The following SLC29A4 variants were observed in gnomAD, a reference collection of about 807,000 sequenced individuals.
SLC29A4 encodes equilibrative nucleoside transporter 4.
A neutral mutation model predicts 43.9 loss-of-function variants in SLC29A4; 36 were observed. The ratio of observed to expected loss-of-function variants is 0.82; its 90% CI spans 0.63 to 1.08. The LOEUF is 1.08. SLC29A4 is among the 50% of genes least tolerant of loss of function. The pLI is 0.00. For missense variants in SLC29A4, 869 were observed against 755.3 expected (o/e 1.15, Z -1.77); for synonymous variants, 491 against 338.0 (o/e 1.45, Z -4.97).
At chr7:5,289,029 C>T (rs1429409958) in intron 2 of SLC29A4, among the ~76,000 whole-genome samples, 1 of 152,176 alleles carries the variant, frequency 6.6e-6, no homozygotes, top group African/African-American at 2.4e-5. Flanking sequence ...CTGTCCCTGG[C>T]ACTCAGGAGG....
Position 5,287,712 on chromosome 7 carries a change from T to A in SLC29A4, c.-8-97T>A, listed in dbSNP as rs949696216. The A allele has an allele frequency of 2.4e-6, 3 of 1,237,132 alleles. No homozygotes were observed. The African/African-American group carries it at 4.8e-5, about 20-fold the overall frequency. 76.6% of individuals were successfully genotyped at this position (1,237,132 alleles called of 1,614,324 possible). A position where few individuals can be genotyped will look rare whatever the true frequency, so the allele number is the denominator to read the frequency against. Reference sequence around the variant, plus strand: ...GCCAACGAGTGTGACCAAAGTGACATGTGTCACTCCAGGTAGAAGCTTTAT... The same window carrying A: ...GCCAACGAGTGTGACCAAAGTGACAAGTGTCACTCCAGGTAGAAGCTTTAT... On this transcript the variant is annotated intron_variant, in intron 1 of 10. Transcript: ENST00000396872.
At chr7:5,289,057 T>C (rs1481905049) in intron 2 of SLC29A4, among the ~76,000 whole-genome samples, 1 of 152,166 alleles carries the variant, frequency 6.6e-6, no homozygotes, top group Admixed American at 6.5e-5. Context: ...TAAGCTATAG[T>C]TCTTTTCTGG....
At chr7:5,296,362 A>G (rs1012006018) in intron 6 of SLC29A4, among the ~76,000 whole-genome samples, 2 of 150,926 alleles carry the variant, frequency 1.3e-5, no homozygotes, top group African/African-American at 4.9e-5. Context: ...CACGGCAGGC[A>G]CTGGGTAAAT....
chr7:5,291,536 C>T (rs1362365988), intron 4 of SLC29A4, among the ~76,000 whole-genome samples, 157 bp from the exon 5 acceptor site: 2 of 152,228 alleles, frequency 1.3e-5, no homozygotes, highest in African/African-American at 4.8e-5. Flanking sequence ...ACAGGAAGCC[C>T]TCCAGGTGCC....
At position 5,296,940 on chromosome 7, in the gene SLC29A4, G is replaced by C; in HGVS notation, c.624G>C (p.Thr208=). 2 of 1,587,812 alleles carry C rather than the reference G, an allele frequency of 1.3e-6. No individual in the cohort carries two copies. The highest frequency in any genetic ancestry group is 1.7e-6 in the Non-Finnish European group (2 of 1,174,252). ...CCCACTGTGCACGCCCCCCAGGCAC[G>C]GCGGGCGTGATGATCTCTCTGAGCC... The part of the protein sequence containing the change: ...YTQGVMTGES[T]AGVMISLSRI... The change falls in exon 7 of 11, where the codon ACG becomes ACC. Residue 208 remains threonine (T), a synonymous_variant. Coordinates refer to ENST00000396872, the MANE Select transcript of SLC29A4 (RefSeq NM_153247.4).
chr7:5,283,540 C>A (rs1411844002), intron 1 of SLC29A4, among the ~76,000 whole-genome samples: 2 of 152,154 alleles, frequency 1.3e-5, no homozygotes, highest in African/African-American at 4.8e-5. Context: ...GCCAACTTTG[C>A]GGCTGATGAG....
At chr7:5,295,490 C>T (rs1186450686) in intron 6 of SLC29A4, among the ~76,000 whole-genome samples, 2 of 152,220 alleles carry the variant, frequency 1.3e-5, no homozygotes, top group African/African-American at 4.8e-5. Context: ...ACATGACATC[C>T]GGCCCTTCTC....
chr7:5,292,690 C>CTTTTTTTTTTTTTTTTTTTTTTTT (rs1056329272), intron 5 of SLC29A4, among the ~76,000 whole-genome samples: 4 of 67,412 alleles, frequency 5.9e-5, no homozygotes, highest in African/African-American at 2.5e-4. Context: ...CATTTTTTTC[C>CTTTTTTTTTTTTTTTTTTTTTTTT]TTTTTTTTTT....
chr7:5,290,853 C>G lies in SLC29A4; in HGVS notation c.291C>G (p.His97Gln). 1 of 1,612,386 alleles carries G rather than the reference C, an allele frequency of 6.2e-7. No homozygotes were observed. The highest frequency in any genetic ancestry group is 8.5e-7 in the Non-Finnish European group (1 of 1,179,332). ...SFITDVDYLH[H>Q]KYPGTSIVFD... ...TCACGGACGTGGACTACCTGCATCA[C>G]AAGTACCCAGGTGGGTCCCTCCACG... The change falls in exon 3 of 11, where the codon CAC (histidine) becomes CAG (glutamine). Residue 97 changes from histidine (H) to glutamine (Q), a missense_variant. By Grantham distance (24) the His-to-Gln change is conservative. Transcript: ENST00000396872.
In SLC29A4 at chr7:5,303,031, G is replaced by C; in HGVS notation, c.*92G>C. The C allele has an allele frequency of 7.0e-7, 1 of 1,422,584 alleles. No individual in the cohort carries two copies. The highest frequency in any genetic ancestry group is 1.2e-5 in the South Asian group (1 of 80,028). 88.1% of individuals were successfully genotyped at this position (1,422,584 alleles called of 1,614,324 possible). On this transcript the variant is annotated 3_prime_UTR_variant, in exon 11 of 11. Transcript: ENST00000396872. ...CCCCTGTCCCCACCTCAGTGCCTGC[G>C]GGGCCCTGAGCCTCCCCCTGTGCCA...
rs1264074553 is a variant in SLC29A4 at position 5,291,545 on chromosome 7, C to T, written c.416-148C>T. 43 of 1,085,930 alleles carry T rather than the reference C, an allele frequency of 4.0e-5. No individual in the cohort carries two copies. The Admixed American group carries it at 1.1e-3, about 28-fold the overall frequency. 67.3% of individuals were successfully genotyped at this position (1,085,930 alleles called of 1,614,324 possible). On this transcript the variant is annotated intron_variant, in intron 4 of 10. Coordinates refer to ENST00000396872, the MANE Select transcript of SLC29A4 (RefSeq NM_153247.4). ...CCTCCTACAGGAAGCCCTCCAGGTG[C>T]CCCTGTTAGACTCGTAAAGCATCCC...
rs1786318929 is a variant in SLC29A4, at chr7:5,303,521, C to T, written c.*582C>T. On this transcript the variant is annotated 3_prime_UTR_variant, in exon 11 of 11. Transcript: ENST00000396872. ...GCGTTAGCCATGAAGGAGTCGGAGCCCTGGGTCCGAATGGACCCGCCTGCG... is the reference window on the plus strand; with the variant it reads ...GCGTTAGCCATGAAGGAGTCGGAGCTCTGGGTCCGAATGGACCCGCCTGCG... The T allele has an allele frequency of 6.4e-6, 1 of 155,482 alleles. No homozygotes were observed. Among genetic ancestry groups the T allele is most frequent in the Non-Finnish European group, 1.4e-5 (1 of 70,618 alleles). The allele number at this position is 155,482 out of a possible 1,614,324, so 9.6% of individuals were successfully genotyped here. A position where few individuals can be genotyped will look rare whatever the true frequency, so the allele number is the denominator to read the frequency against.
At chr7:5,287,775 C>T (rs770201850) in intron 1 of SLC29A4, 34 bp from the exon 2 acceptor site, 1 of 1,598,268 alleles carries the variant, frequency 6.3e-7, no homozygotes, top group South Asian at 1.1e-5. Context: ...CAGCCTTCTT[C>T]CCTCACCTGC....
chr7:5,287,761 C>T (rs1459550767), intron 1 of SLC29A4, 48 bp from the exon 2 acceptor site: 3 of 1,571,210 alleles, frequency 1.9e-6, no homozygotes, highest in African/African-American at 1.4e-5. Flanking sequence ...AGCCATGGAT[C>T]CCTCAGCCTT....
At chr7:5,287,146 A>G (rs1161469961) in intron 1 of SLC29A4, among the ~76,000 whole-genome samples, 1 of 152,168 alleles carries the variant, frequency 6.6e-6, no homozygotes, top group East Asian at 1.9e-4. Context: ...GGCTGGGCGC[A>G]GTGGCTCAGT....
chr7:5,297,626 C>G (rs913347132), intron 7 of SLC29A4, among the ~76,000 whole-genome samples: 6 of 152,232 alleles, frequency 3.9e-5, no homozygotes, highest in African/African-American at 9.6e-5. Context: ...TGGCAGCAAA[C>G]TCTCTAGGAA....
chr7:5,288,714 G>T (rs962471435), intron 2 of SLC29A4, among the ~76,000 whole-genome samples: 1 of 152,140 alleles, frequency 6.6e-6, no homozygotes, highest in African/African-American at 2.4e-5. Flanking sequence ...TGGATGTGAG[G>T]TTCAAAGACC....
At chr7:5,291,866 G>A (rs776307263) in intron 5 of SLC29A4, 45 bp downstream of exon 5, 15 of 1,584,938 alleles carry the variant, frequency 9.5e-6, no homozygotes, top group East Asian at 2.3e-5. Context: ...GCCCACTTCC[G>A]ACCCCATCCC....
intron 4 of SLC29A4, 26 bp from the exon 5 acceptor site, chr7:5,291,667 C>G: frequency 1.3e-6 from 2 of 1,566,350 alleles, no homozygotes; most frequent in Admixed American, 1.8e-5. Flanking sequence ...CTCCACCACT[C>G]CCCTCACTAG....
Sources: allele counts gnomAD v4.1 joint callset (sites outside exome capture counted in the v4.1 genomes callset), GRCh38; gene constraint gnomAD v4.1.1; transcripts MANE v1.5; gene names NCBI Gene and HGNC (gene_info 2026-07-23, HGNC 2026-07-21).